The following MTHFD1L variants were observed in gnomAD, a reference collection of about 807,000 sequenced individuals.
MTHFD1L encodes methylenetetrahydrofolate dehydrogenase (NADP+ dependent) 1 like.
MTHFD1L carries 81 observed loss-of-function variants against 119.5 expected under a neutral mutation model. The ratio of observed to expected loss-of-function variants is 0.68; its 90% CI spans 0.57 to 0.82. MTHFD1L has a LOEUF of 0.82. Ranked by LOEUF, MTHFD1L falls within the 40% of genes least tolerant of loss-of-function variation. The pLI, the probability that MTHFD1L is intolerant of heterozygous loss-of-function variation, is 0.00. For synonymous variants in MTHFD1L, 430 were observed against 475.2 expected, an observed-to-expected ratio of 0.90 and a Z score of 1.24; for missense variants, 1,125 against 1,253.4, an observed-to-expected ratio of 0.90 and a Z score of 1.55.
At chr6:150,979,603 C>T (rs1217009934) in intron 20 of MTHFD1L, among the ~76,000 whole-genome samples, 4 of 152,074 alleles carry the variant, frequency 2.6e-5, no homozygotes, top group African/African-American at 7.2e-5. Flanking sequence ...CGGGTTCAAG[C>T]GATTCTACTG....
intron 22 of MTHFD1L, 67 bp from the exon 23 acceptor site, chr6:151,014,813 T>C (rs2128490175): frequency 8.0e-7 from 1 of 1,249,188 alleles, no homozygotes; most frequent in East Asian, 2.4e-5. Context: ...TGCTGGCAGT[T>C]TAGCTTGGCA....
chr6:151,035,144 C>T (rs543291294), intron 25 of MTHFD1L, among the ~76,000 whole-genome samples: 1 of 152,302 alleles, frequency 6.6e-6, no homozygotes, highest in East Asian at 1.9e-4. Flanking sequence ...CTACCTCTAG[C>T]CACTGACAAA....
At chr6:150,871,117 T>C (rs1779402021) in intron 1 of MTHFD1L, among the ~76,000 whole-genome samples, 1 of 143,434 alleles carries the variant, frequency 7.0e-6, no homozygotes, top group South Asian at 2.1e-4. Context: ...ATAATATATA[T>C]TAATATATAT....
In MTHFD1L at chr6:150,877,643, G is replaced by T; in HGVS notation, c.322G>T (p.Asp108Tyr). The T allele has an allele frequency of 1.2e-6, 2 of 1,614,108 alleles. No individual in the cohort carries two copies. Among genetic ancestry groups the T allele is most frequent in the Non-Finnish European group, 1.7e-6 (2 of 1,180,022 alleles). Residue 108 changes from aspartate to tyrosine, a missense_variant, in exon 3 of 28, where the codon GAC (aspartate) becomes TAC (tyrosine). Physicochemically the swap from Asp to Tyr is radical, Grantham distance 160. Around this residue, in one of 3 missense-constraint regions of MTHFD1L, gnomAD observed 1,058 missense variants for 1,151.2 expected, o/e 0.92. Transcript: ENST00000367321. ...PVLAIIQAGD[D>Y]NLMQEINQNL... ...TTTTTACCTTCCTAAGGCAGGTGAC[G>T]ACAACTTGATGCAGGAAATCAACCA...
intron 20 of MTHFD1L, among the ~76,000 whole-genome samples, chr6:150,997,429 T>C (rs1779947915): frequency 6.6e-6 from 1 of 152,202 alleles, no homozygotes. Flanking sequence ...ACGGGATCAG[T>C]GCGAGTAACA....
chr6:151,009,140 A>G (rs1428349188), intron 20 of MTHFD1L, among the ~76,000 whole-genome samples: 1 of 141,844 alleles, frequency 7.1e-6, no homozygotes, highest in Admixed American at 7.0e-5. Context: ...AAAAAAAAAA[A>G]AAGAGTAAGA....
At chr6:151,065,625 C>A (rs1791142475) in intron 26 of MTHFD1L, among the ~76,000 whole-genome samples, 1 of 152,218 alleles carries the variant, frequency 6.6e-6, no homozygotes, top group Non-Finnish European at 1.5e-5. Context: ...AACTCCCTAT[C>A]CAGAGGAAGA....
At chr6:151,053,944 TA>T (rs1336131717) in intron 26 of MTHFD1L, among the ~76,000 whole-genome samples, 1 of 152,212 alleles carries the variant, frequency 6.6e-6, no homozygotes, top group Non-Finnish European at 1.5e-5. Flanking sequence ...GACTTTTTGT[TA>T]AAGCTGGTTT....
intron 7 of MTHFD1L, among the ~76,000 whole-genome samples, chr6:150,895,802 A>G (rs754025198): frequency 6.6e-6 from 1 of 152,234 alleles, no homozygotes; most frequent in Non-Finnish European, 1.5e-5. Context: ...GGGAGAAGGA[A>G]GGAACTCTAG....
intron 24 of MTHFD1L, among the ~76,000 whole-genome samples, chr6:151,029,087 A>T (rs1474390916): frequency 6.6e-6 from 1 of 152,128 alleles, no homozygotes; most frequent in African/African-American, 2.4e-5. Flanking sequence ...ATGGTAAATT[A>T]TATGTTATGT....
At chr6:150,969,161 T>C (rs1398993931) in intron 19 of MTHFD1L, among the ~76,000 whole-genome samples, 1 of 151,714 alleles carries the variant, frequency 6.6e-6, no homozygotes, top group Admixed American at 6.6e-5. Flanking sequence ...TTTGTATTTT[T>C]AGTAGAGGCA....
intron 12 of MTHFD1L, 29 bp downstream of exon 12, chr6:150,936,969 T>C: frequency 6.2e-7 from 1 of 1,606,262 alleles, no homozygotes; most frequent in Non-Finnish European, 8.5e-7. Context: ...AGTGTACTTT[T>C]CAGGGCAAAG....
chr6:151,042,904 T>C (rs2128553913), intron 26 of MTHFD1L, among the ~76,000 whole-genome samples: 1 of 152,198 alleles, frequency 6.6e-6, no homozygotes, highest in African/African-American at 2.4e-5. Context: ...GATGATAAAC[T>C]GCAAGTGCTT....
At chr6:150,990,531 C>T (rs1325349804) in intron 20 of MTHFD1L, among the ~76,000 whole-genome samples, 2 of 152,064 alleles carry the variant, frequency 1.3e-5, no homozygotes, top group Non-Finnish European at 2.9e-5. Flanking sequence ...GTGATCTTAG[C>T]TCACTGCAAC....
At chr6:151,009,122 CAA>C (rs59189384) in intron 20 of MTHFD1L, among the ~76,000 whole-genome samples, 12,267 of 96,524 alleles carry the variant, frequency 0.13, 490 homozygotes, top group African/African-American at 0.14. Context: ...AACTCCATCT[CAA>C]AAAAAAAAAA....
chr6:151,085,040 C>T (rs1469902895), intron 26 of MTHFD1L, among the ~76,000 whole-genome samples: 3 of 145,494 alleles, frequency 2.1e-5, no homozygotes, highest in East Asian at 2.0e-4. Flanking sequence ...CACACACACA[C>T]ATTAGATAAG....
chr6:150,925,144 G>A (rs962493516), intron 10 of MTHFD1L, among the ~76,000 whole-genome samples: 8 of 152,064 alleles, frequency 5.3e-5, no homozygotes, highest in African/African-American at 1.4e-4. Flanking sequence ...TCCACTGAGG[G>A]GGTTGATCTG....
intron 24 of MTHFD1L, among the ~76,000 whole-genome samples, chr6:151,020,320 T>A (rs751066931): frequency 1.3e-5 from 2 of 151,982 alleles, no homozygotes; most frequent in Non-Finnish European, 2.9e-5. Flanking sequence ...CTGGAGAGAG[T>A]GGGGCACCTG....
intron 10 of MTHFD1L, among the ~76,000 whole-genome samples, chr6:150,924,483 CTTGT>C (rs1354501694): frequency 1.4e-5 from 2 of 148,016 alleles, no homozygotes; most frequent in East Asian, 4.0e-4. Flanking sequence ...GTTTTGTTTG[CTTGT>C]TTGTTTTTTG....
Sources: allele counts gnomAD v4.1 joint callset (sites outside exome capture counted in the v4.1 genomes callset), GRCh38; gene constraint gnomAD v4.1.1; regional missense constraint gnomAD v4.1.1; transcripts MANE v1.5; gene names NCBI Gene and HGNC (gene_info 2026-07-23, HGNC 2026-07-21).